AK5: variants seen among roughly 807,000 people sequenced by gnomAD.
The protein encoded by AK5 is adenylate kinase isoenzyme 5.
A neutral mutation model predicts 69.5 loss-of-function variants in AK5; 27 were observed. The ratio of observed to expected loss-of-function variants is 0.39; its 90% CI spans 0.29 to 0.54. The LOEUF is 0.54. Ranked by LOEUF, AK5 falls within the 20% of genes least tolerant of loss-of-function variation. The pLI is 0.71. For missense variants in AK5, 531 were observed against 700.4 expected, an observed-to-expected ratio of 0.76 and a Z score of 2.73; for synonymous variants, 260 against 244.4, an observed-to-expected ratio of 1.06 and a Z score of -0.60.
intron 8 of AK5, among the ~76,000 whole-genome samples, chr1:77,480,591 A>G (rs1324744312): frequency 1.3e-5 from 2 of 152,226 alleles, no homozygotes; most frequent in South Asian, 2.1e-4. Flanking sequence ...TAAGTCTGAT[A>G]ATCTAACAAT....
At chr1:77,497,230 C>T (rs377711825) in intron 10 of AK5, among the ~76,000 whole-genome samples, 1 of 152,196 alleles carries the variant, frequency 6.6e-6, no homozygotes, top group South Asian at 2.1e-4. Flanking sequence ...AGGTCTGCGG[C>T]TTCACTCCTG....
intron 8 of AK5, among the ~76,000 whole-genome samples, chr1:77,470,132 T>TTACC (rs1462322169): frequency 1.3e-5 from 2 of 152,222 alleles, no homozygotes; most frequent in Non-Finnish European, 2.9e-5. Flanking sequence ...ATAATGAAGC[T>TTACC]TACCTTGTGG....
At chr1:77,362,217 A>G (rs942764369) in intron 6 of AK5, among the ~76,000 whole-genome samples, 1 of 152,230 alleles carries the variant, frequency 6.6e-6, no homozygotes, top group Non-Finnish European at 1.5e-5. Context: ...ACCCTCAAGC[A>G]ATATTGACAT....
chr1:77,315,296 A>G (rs1209458988), intron 5 of AK5, among the ~76,000 whole-genome samples: 1 of 152,014 alleles, frequency 6.6e-6, no homozygotes. Flanking sequence ...ACACATTTGG[A>G]TATTATTCGC....
chr1:77,446,521 A>G (rs568145282), intron 8 of AK5, among the ~76,000 whole-genome samples: 1 of 152,220 alleles, frequency 6.6e-6, no homozygotes, highest in African/African-American at 2.4e-5. Flanking sequence ...TTTAGGTTGT[A>G]TGGCCATTTT....
intron 10 of AK5, among the ~76,000 whole-genome samples, chr1:77,516,554 A>G (rs1176580911): frequency 6.6e-6 from 1 of 152,162 alleles, no homozygotes; most frequent in Non-Finnish European, 1.5e-5. Context: ...TGATACCTCA[A>G]TAAAGCTGGG....
In AK5 at chr1:77,299,693, C is replaced by T. The variant is rs530678101; in HGVS notation, c.699+1746C>T. ...TACCACATTATATTGCTGTTGAAAG[C>T]GGGTGCTATGGCAGCCATTCCATGT... On this transcript the variant is annotated intron_variant, in intron 5 of 13. Coordinates refer to ENST00000354567, the MANE Select transcript of AK5 (RefSeq NM_174858.3). Among the ~76,000 whole-genome samples the T allele has an allele frequency of 2.2e-4, 34 of 152,198 alleles. No homozygotes were observed. The South Asian group carries it at 4.8e-3, about 21-fold the overall frequency.
intron 10 of AK5, among the ~76,000 whole-genome samples, chr1:77,496,986 C>G (rs981589816): frequency 6.6e-6 from 1 of 152,178 alleles, no homozygotes; most frequent in African/African-American, 2.4e-5. Context: ...AGCTGGCCAC[C>G]CCAGCCAGCA....
intron 8 of AK5, among the ~76,000 whole-genome samples, chr1:77,474,166 T>C (rs748622268): frequency 2.0e-5 from 3 of 152,206 alleles, no homozygotes; most frequent in African/African-American, 4.8e-5. Flanking sequence ...TTATAAATAT[T>C]GTCAATAGTA....
At chr1:77,482,252 G>A (rs1050395431) in intron 8 of AK5, among the ~76,000 whole-genome samples, 1 of 152,156 alleles carries the variant, frequency 6.6e-6, no homozygotes, top group Non-Finnish European at 1.5e-5. Context: ...AAATGATACA[G>A]GTGAAGACAT....
intron 6 of AK5, among the ~76,000 whole-genome samples, chr1:77,350,064 A>G (rs200446255): frequency 6.6e-6 from 1 of 152,236 alleles, no homozygotes; most frequent in East Asian, 1.9e-4. Context: ...TATCCAGGGT[A>G]CCACAGCAGG....
chr1:77,502,798 C>T (rs1656798847), intron 10 of AK5, among the ~76,000 whole-genome samples: 1 of 152,154 alleles, frequency 6.6e-6, no homozygotes, highest in South Asian at 2.1e-4. Flanking sequence ...AGCAAGTAGG[C>T]AGAAGCTGCA....
intron 5 of AK5, among the ~76,000 whole-genome samples, chr1:77,306,273 AG>A (rs1659629758): frequency 6.6e-6 from 1 of 151,902 alleles, no homozygotes; most frequent in Admixed American, 6.6e-5. Context: ...CATTTTTTTG[AG>A]GGCTTTTGTA....
intron 8 of AK5, among the ~76,000 whole-genome samples, chr1:77,439,733 A>G (rs113974629): frequency 1.1e-4 from 17 of 149,528 alleles, no homozygotes; most frequent in African/African-American, 3.5e-4. Context: ...CAGTATTTAT[A>G]TAAAATTTGG....
In AK5 at chr1:77,417,667, A is replaced by G; in HGVS notation, c.1011A>G (p.Ile337Met). 1 of 1,610,032 alleles carries G rather than the reference A, an allele frequency of 6.2e-7. No individual in the cohort carries two copies. Among genetic ancestry groups the G allele is most frequent in the Non-Finnish European group, 8.5e-7 (1 of 1,177,138 alleles). ...AGSSDLDPSM[I>M]LDTGEIIDTG... ...CAAGTGACCTTGATCCTTCGATGAT[A>G]TTGGACACTGGAGAGATCATTGATA... The change falls in exon 8 of 14, where the codon ATA (isoleucine) becomes ATG (methionine). Residue 337 changes from isoleucine (I) to methionine (M), a missense_variant. Ile to Met is a conservative substitution (Grantham distance 10). Coordinates refer to ENST00000354567, the MANE Select transcript of AK5 (RefSeq NM_174858.3).
chr1:77,313,924 T>C lies in AK5; in HGVS notation c.699+15977T>C, dbSNP rs377074680. ...CAGCCTGTAAGAAAGCAGAAGTCTT[T>C]GCCTCTGCCTGCCACATATCTTCCT... On this transcript the variant is annotated intron_variant, in intron 5 of 13. Transcript: ENST00000354567. 5.3e-4 allele frequency: 268 copies of C among 510,104 alleles called. 2 individuals carry two copies. Among genetic ancestry groups the C allele is most frequent in the South Asian group, 1.3e-3 (86 of 67,628 alleles). 31.6% of individuals were successfully genotyped at this position (510,104 alleles called of 1,614,324 possible).
Position 77,417,683 on chromosome 1 carries a change from A to T in AK5, c.1027A>T (p.Ile343Phe). 6.2e-7 allele frequency: 1 copy of T among 1,608,692 alleles called. No homozygotes were observed. Among genetic ancestry groups the T allele is most frequent in the Non-Finnish European group, 8.5e-7 (1 of 1,176,246 alleles). Residue 343 changes from isoleucine to phenylalanine, a missense_variant, in exon 8 of 14, where the codon ATC becomes TTC. By Grantham distance (21) the Ile-to-Phe change is conservative. Coordinates refer to ENST00000354567, the MANE Select transcript of AK5 (RefSeq NM_174858.3). ...TTCGATGATATTGGACACTGGAGAG[A>T]TCATTGATACAGGATCTGATTATGA... ...DPSMILDTGE[I>F]IDTGSDYEDQ...
chr1:77,335,128 A>G (rs1033645579), intron 5 of AK5, among the ~76,000 whole-genome samples: 1 of 152,214 alleles, frequency 6.6e-6, no homozygotes, highest in Non-Finnish European at 1.5e-5. Flanking sequence ...ACAGTTAAGA[A>G]CAAGGAGCAT....
At chr1:77,457,658 TTGTC>T (rs144577007) in intron 8 of AK5, among the ~76,000 whole-genome samples, 2,932 of 152,276 alleles carry the variant, frequency 0.019, 86 homozygotes, top group East Asian at 0.12. Context: ...TAAATTTTCT[TTGTC>T]TGTTGCATTA....
Sources: gnomAD v4.1 joint callset for allele counts (sites outside exome capture counted in the v4.1 genomes callset) on GRCh38, gnomAD v4.1.1 for gene constraint, MANE v1.5 for transcripts, NCBI Gene and HGNC (gene_info 2026-07-23, HGNC 2026-07-21) for gene names.